CPOX: variants seen among roughly 807,000 people sequenced by gnomAD.
The protein encoded by CPOX is oxygen-dependent coproporphyrinogen-III oxidase, mitochondrial.
Under a neutral mutation model 48.9 loss-of-function variants are expected in CPOX, and 24 were observed. The observed-to-expected ratio is 0.49, with a 90% CI of 0.36 to 0.69. The LOEUF is 0.69. Among genes scored for constraint, CPOX ranks in the 30% least tolerant of loss-of-function variants. CPOX has a pLI of 0.00. For missense variants in CPOX, 549 were observed against 597.3 expected (o/e 0.92, Z 0.84); for synonymous variants, 249 against 234.6 (o/e 1.06, Z -0.56).
intron 5 of CPOX, among the ~76,000 whole-genome samples, chr3:98,585,214 TTACTACATGCC>T (rs1707338011): frequency 6.6e-6 from 1 of 152,216 alleles, no homozygotes; most frequent in Admixed American, 6.5e-5. Context: ...CAGGAAGTAC[TTACTACATGCC>T]TACTATGAGT....
intron 4 of CPOX, among the ~76,000 whole-genome samples, chr3:98,588,014 G>A (rs774974874): frequency 9.9e-5 from 15 of 152,136 alleles, no homozygotes; most frequent in African/African-American, 1.9e-4. Context: ...CTTTCCTGAC[G>A]ATTTTAAAGC....
Position 98,579,895 on chromosome 3 carries a change from C to G in CPOX, c.*788G>C, listed in dbSNP as rs1707218372. ...CTAGGATTATTCTTAGTCTCAACTT[C>G]CACACAGAGATGTCTGAAATAGAAA... On this transcript the variant is annotated 3_prime_UTR_variant, in exon 7 of 7. Transcript: ENST00000647941. 1 of 985,544 alleles carries G rather than the reference C, an allele frequency of 1.0e-6. No individual in the cohort carries two copies. Among genetic ancestry groups the G allele is most frequent in the South Asian group, 4.7e-5 (1 of 21,276 alleles). 61.0% of individuals were successfully genotyped at this position (985,544 alleles called of 1,614,324 possible).
At position 98,580,696 on chromosome 3, in the gene CPOX, T is replaced by C. The variant is rs748017148; in HGVS notation, c.1352A>G (p.Asp451Gly). 6.2e-7 allele frequency: 1 copy of C among 1,614,180 alleles called. No individual in the cohort carries two copies. Among genetic ancestry groups the C allele is most frequent in the Non-Finnish European group, 8.5e-7 (1 of 1,180,012 alleles). Residue 451 changes from aspartate (D) to glycine (G), a missense_variant, in exon 7 of 7, where the codon GAC becomes GGC. Coordinates refer to ENST00000647941, the MANE Select transcript of CPOX (RefSeq NM_000097.7). ...ATTCTGCCTGCATCAACGCACCCAGTCCCTTGGATGGCGTAGAACTTCCAG... is the reference window on the plus strand; with the variant it reads ...ATTCTGCCTGCATCAACGCACCCAGCCCCTTGGATGGCGTAGAACTTCCAG... ...EILEVLRHPRDWVR is the reference protein window; with the variant it reads ...EILEVLRHPRGWVR
chr3:98,590,612 G>A lies in CPOX; in HGVS notation c.811+20C>T, dbSNP rs199526048. The A allele has an allele frequency of 1.2e-5, 18 of 1,520,286 alleles. No individual in the cohort carries two copies. Among genetic ancestry groups the A allele is most frequent in the Admixed American group, 1.0e-4 (6 of 59,904 alleles). 94.2% of individuals were successfully genotyped at this position (1,520,286 alleles called of 1,614,324 possible). A position where few individuals can be genotyped will look rare whatever the true frequency, so the allele number is the denominator to read the frequency against. On this transcript the variant is annotated intron_variant, in intron 3 of 6. Transcript: ENST00000647941. ...CACATTTTGCACGACAGTACTTTCC[G>A]TAGCTCCTGAGACCCTTACCATCAG... is the stretch of plus-strand genomic sequence containing the variant.
chr3:98,593,337 CG>C lies in CPOX; in HGVS notation c.167del (p.Thr56ArgfsTer80). The C allele has an allele frequency of 7.4e-7, 1 of 1,352,788 alleles. No homozygotes were observed. The highest frequency in any genetic ancestry group is 2.0e-5 in the South Asian group (1 of 50,166). The allele number at this position is 1,352,788 out of a possible 1,614,324, so 83.8% of individuals were successfully genotyped here. A position where few individuals can be genotyped will look rare whatever the true frequency, so the allele number is the denominator to read the frequency against. On this transcript the variant is annotated frameshift_variant, in exon 1 of 7. Transcript: ENST00000647941. LOFTEE classifies it high-confidence loss of function. ...CGTGCCCCAGCCCGCGGCTCTGCTC[CG>C]TGCCAGCCGGGCCAGGGGGCCGGCA... is the stretch of plus-strand genomic sequence containing the variant. ...RVCRPPGPAG[T>X]EQSRGLGHGS...
downstream of CPOX, among the ~76,000 whole-genome samples, chr3:98,577,954 C>T (rs978172344): frequency 6.6e-6 from 1 of 152,218 alleles, no homozygotes; most frequent in African/African-American, 2.4e-5. Context: ...GCACTTATCT[C>T]AAATACTCTG....
rs1470801973 is a variant in CPOX, at chr3:98,579,998, G to A, written c.*685C>T. The A allele has an allele frequency of 5.1e-6, 5 of 984,882 alleles. No homozygotes were observed. The highest frequency in any genetic ancestry group is 6.0e-6 in the Non-Finnish European group (5 of 829,254). The allele number at this position is 984,882 out of a possible 1,614,324, so 61.0% of individuals were successfully genotyped here. Reference sequence around the variant, plus strand: ...AGAATCCCAACATTAACAAACAATGGTTCCACAAAAATCAAAATTACAACT... The same window carrying A: ...AGAATCCCAACATTAACAAACAATGATTCCACAAAAATCAAAATTACAACT... On this transcript the variant is annotated 3_prime_UTR_variant, in exon 7 of 7. Transcript: ENST00000647941.
At chr3:98,578,760 AGC>A (rs201089376), downstream of CPOX, among the ~76,000 whole-genome samples, 2 of 152,218 alleles carry the variant, frequency 1.3e-5, no homozygotes, top group African/African-American at 4.8e-5. Context: ...TACTGTCATT[AGC>A]AATAGTTATT....
At chr3:98,589,526 C>A (rs1192583259) in intron 3 of CPOX, 2 of 153,484 alleles carry the variant, frequency 1.3e-5, no homozygotes, top group Non-Finnish European at 2.9e-5. Context: ...CACACACACA[C>A]ACACACACAT....
intron 4 of CPOX, 49 bp downstream of exon 4, chr3:98,588,664 G>A: frequency 2.5e-6 from 4 of 1,604,666 alleles, no homozygotes; most frequent in Non-Finnish European, 8.5e-7. Context: ...GCCTTCAGAA[G>A]GAACAGAATG....
chr3:98,583,696 AAGT>A (rs1707302754), intron 5 of CPOX, among the ~76,000 whole-genome samples: 1 of 152,246 alleles, frequency 6.6e-6, no homozygotes, highest in African/African-American at 2.4e-5. Context: ...AGAGACTGTA[AAGT>A]CAAAAGGGAA....
Position 98,585,531 on chromosome 3 carries a change from A to G in CPOX, c.1082T>C (p.Val361Ala), listed in dbSNP as rs747575435. Residue 361 changes from valine to alanine, a missense_variant, in exon 5 of 7, where the codon GTA becomes GCA. By Grantham distance (64) the Val-to-Ala change is moderately conservative (BLOSUM62 0). This residue lies in a region of CPOX where 213 missense variants were observed against 279.1 expected (regional missense o/e 0.76). Transcript: ENST00000647941. ...FRFVQSCARA[V>A]VPSYIPLVKK... ...CACAAGGGGAATGTAAGAAGGAACT[A>G]CAGCCCTGGCACAGCTCTGTACAAA... is the stretch of plus-strand genomic sequence containing the variant. 1 of 1,614,046 alleles carries G rather than the reference A, an allele frequency of 6.2e-7. No individual in the cohort carries two copies. The highest frequency in any genetic ancestry group is 1.3e-5 in the African/African-American group (1 of 74,916).
At chr3:98,583,062 G>A (rs1457279409) in intron 5 of CPOX, among the ~76,000 whole-genome samples, 5 of 152,060 alleles carry the variant, frequency 3.3e-5, no homozygotes, top group Non-Finnish European at 7.4e-5. Context: ...CATCTCTCTA[G>A]GGGATGGGTA....
downstream of CPOX, among the ~76,000 whole-genome samples, chr3:98,576,225 G>A (rs1384288736): frequency 6.6e-6 from 1 of 152,174 alleles, no homozygotes; most frequent in African/African-American, 2.4e-5. Context: ...TGGCTGGGAG[G>A]CCTCAGGAAA....
chr3:98,575,112 T>C (rs1164456994), downstream of CPOX, among the ~76,000 whole-genome samples: 1 of 152,198 alleles, frequency 6.6e-6, no homozygotes, highest in Admixed American at 6.5e-5. Context: ...ATAAAGACTT[T>C]TATTTATGAA....
At chr3:98,578,339 G>A (rs141640272), downstream of CPOX, 9 of 457,988 alleles carry the variant, frequency 2.0e-5, no homozygotes, top group East Asian at 1.4e-3. Context: ...AACTAAATAG[G>A]CTAGCATTTT....
intron 5 of CPOX, among the ~76,000 whole-genome samples, chr3:98,582,873 T>A (rs1707288286): frequency 6.6e-6 from 1 of 152,246 alleles, no homozygotes. Flanking sequence ...ATTTTATCTA[T>A]GCTCCCTTTC....
In CPOX at chr3:98,590,644, C is replaced by A; in HGVS notation, c.799G>T (p.Glu267Ter). 1 of 1,610,768 alleles carries A rather than the reference C, an allele frequency of 6.2e-7. No homozygotes were observed. Among genetic ancestry groups the A allele is most frequent in the Non-Finnish European group, 8.5e-7 (1 of 1,176,930 alleles). Residue 267 changes from glutamate to a stop codon, truncating the protein, a stop_gained, in exon 3 of 7, where the codon GAA becomes TAA. Coordinates refer to ENST00000647941, the MANE Select transcript of CPOX (RefSeq NM_000097.7). LOFTEE classifies it high-confidence loss of function. Reference sequence around the variant, plus strand: ...CTGAGACCCTTACCATCAGCTTCTTCTACTTCAAAGTATCTGTAGTTGAAA... The same window carrying A: ...CTGAGACCCTTACCATCAGCTTCTTATACTTCAAAGTATCTGTAGTTGAAA... ...IHFNYRYFEV[E>*]EADGNKQWWF...
At chr3:98,587,892 C>T (rs1190385335) in intron 4 of CPOX, among the ~76,000 whole-genome samples, 1 of 152,038 alleles carries the variant, frequency 6.6e-6, no homozygotes, top group Non-Finnish European at 1.5e-5. Context: ...TGGAAGGATG[C>T]TAAGTTCTGA....
Sources: allele counts gnomAD v4.1 joint callset (sites outside exome capture counted in the v4.1 genomes callset), GRCh38; gene constraint gnomAD v4.1.1; regional missense constraint gnomAD v4.1.1; transcripts MANE v1.5; gene names NCBI Gene and HGNC (gene_info 2026-07-23, HGNC 2026-07-21).